The following OPCML variants were observed in gnomAD, a reference collection of about 807,000 sequenced individuals.
The protein encoded by OPCML is opioid binding protein/cell adhesion molecule like.
OPCML carries 13 observed loss-of-function variants against 37.8 expected under a neutral mutation model. The ratio of observed to expected loss-of-function variants is 0.34; its 90% confidence interval spans 0.22 to 0.55. The LOEUF is 0.55. Among genes scored for constraint, OPCML ranks in the 20% least tolerant of loss-of-function variants. OPCML has a pLI of 0.91. For missense variants in OPCML, 341 were observed against 435.6 expected (o/e 0.78, Z 1.93); for synonymous variants, 176 against 168.8 (o/e 1.04, Z -0.33).
intron 1 of OPCML, among the ~76,000 whole-genome samples, chr11:132,992,940 G>A (rs1946808319): frequency 6.6e-6 from 1 of 152,158 alleles, no homozygotes; most frequent in Non-Finnish European, 1.5e-5. Flanking sequence ...ATTAATCACA[G>A]GTGCCCCCAC....
rs149315839 is a variant in OPCML, at chr11:133,519,607, C to T, written c.61+12657G>A. On this transcript the variant is annotated intron_variant, in intron 1 of 7. Transcript: ENST00000524381. ...TATAATGCATCTTCCTTGATTTCTC[C>T]CATCTCCCCTATCTTCCTGAACTCT... 1.7e-3 allele frequency among the ~76,000 whole-genome samples: 258 copies of T among 152,282 alleles called. 1 individual carries two copies. The highest frequency in any genetic ancestry group is 5.6e-3 in the African/African-American group (233 of 41,558).
chr11:132,732,827 A>G lies in OPCML; in HGVS notation c.147-75508T>C, dbSNP rs573549033. On this transcript the variant is annotated intron_variant, in intron 2 of 7. Coordinates refer to ENST00000524381, the MANE Select transcript of OPCML (RefSeq NM_001012393.5). ...AATATGTCCATTGAATTCAGTATTTAGAGATTAATGGTGACCACTACGGAA... is the reference window on the plus strand; with the variant it reads ...AATATGTCCATTGAATTCAGTATTTGGAGATTAATGGTGACCACTACGGAA... Among the ~76,000 whole-genome samples, 15 of 152,294 alleles carry G rather than the reference A, an allele frequency of 9.8e-5. No homozygotes were observed. The East Asian group carries it at 2.7e-3, about 27-fold the overall frequency.
At chr11:132,857,735 G>A (rs768848710) in intron 2 of OPCML, among the ~76,000 whole-genome samples, 12 of 152,224 alleles carry the variant, frequency 7.9e-5, no homozygotes, top group Middle Eastern at 6.8e-3. Context: ...AATTACTTAT[G>A]CTAACATGTA....
intron 1 of OPCML, among the ~76,000 whole-genome samples, chr11:133,401,972 C>T (rs1051159101): frequency 6.6e-6 from 1 of 152,200 alleles, no homozygotes; most frequent in Non-Finnish European, 1.5e-5. Flanking sequence ...TCTTGAAAAT[C>T]AACTGGGCCG....
intron 1 of OPCML, among the ~76,000 whole-genome samples, chr11:133,352,449 T>G (rs1944162673): frequency 1.3e-5 from 2 of 152,240 alleles, no homozygotes; most frequent in African/African-American, 2.4e-5. Flanking sequence ...TGAATGCCTG[T>G]GCTGAAGTAC....
At chr11:133,042,443 C>T (rs1342037839) in intron 1 of OPCML, among the ~76,000 whole-genome samples, 1 of 152,156 alleles carries the variant, frequency 6.6e-6, no homozygotes, top group East Asian at 1.9e-4. Context: ...CACCACCTTA[C>T]AGGTGGGCAG....
chr11:132,808,327 G>A (rs1939135795), intron 2 of OPCML, among the ~76,000 whole-genome samples: 1 of 152,208 alleles, frequency 6.6e-6, no homozygotes, highest in East Asian at 1.9e-4. Flanking sequence ...GTGTGAGAGC[G>A]TTCAGCAGGA....
At chr11:133,434,798 GTATATATATATA>G (rs57835682) in intron 1 of OPCML, among the ~76,000 whole-genome samples, 3 of 128,986 alleles carry the variant, frequency 2.3e-5, no homozygotes, top group African/African-American at 8.1e-5. Flanking sequence ...TTATATATAT[GTATATATATATA>G]TATATATATA....
At chr11:133,198,439 T>G (rs2136314535) in intron 1 of OPCML, among the ~76,000 whole-genome samples, 1 of 152,352 alleles carries the variant, frequency 6.6e-6, no homozygotes, top group South Asian at 2.1e-4. Context: ...TCTGCTCTGC[T>G]CTAGGGAGCC....
intron 1 of OPCML, among the ~76,000 whole-genome samples, chr11:133,016,758 A>G (rs1947342747): frequency 6.6e-6 from 1 of 152,170 alleles, no homozygotes; most frequent in African/African-American, 2.4e-5. Flanking sequence ...TTATTTCAGT[A>G]CTTTCCACTG....
rs150773073 is a variant in OPCML at position 133,206,835 on chromosome 11, G to T, written c.62-263825C>A. 6.6e-6 allele frequency among the ~76,000 whole-genome samples: 1 copy of T among 152,284 alleles called. No individual in the cohort carries two copies. The highest frequency in any genetic ancestry group is 1.5e-5 in the Non-Finnish European group (1 of 68,018). ...CCACGCTTACCCTCCACACTCTCAC[G>T]ATGTCCACACAGCTACGGTGACCTA... is the stretch of plus-strand genomic sequence containing the variant. On this transcript the variant is annotated intron_variant, in intron 1 of 7. Coordinates refer to ENST00000524381, the MANE Select transcript of OPCML (RefSeq NM_001012393.5). This position sits in a 1 kb window ranked among gnomAD's most constrained non-coding sequence, Gnocchi z 4.7.
intron 2 of OPCML, among the ~76,000 whole-genome samples, chr11:132,928,894 C>T (rs746633028): frequency 6.6e-6 from 1 of 151,302 alleles, no homozygotes; most frequent in African/African-American, 2.4e-5. Context: ...ATTTTTATAA[C>T]AATCTTGTGA....
chr11:132,439,598 A>G (rs2096025102), intron 4 of OPCML, among the ~76,000 whole-genome samples: 1 of 152,210 alleles, frequency 6.6e-6, no homozygotes, highest in African/African-American at 2.4e-5. Flanking sequence ...TTTTTAAATG[A>G]AATTTAACAA....
intron 1 of OPCML, chr11:133,302,019 G>A (rs1413657189): frequency 6.6e-6 from 1 of 152,156 alleles, no homozygotes; most frequent in Non-Finnish European, 1.5e-5. Flanking sequence ...CATAGAAGAT[G>A]TTAATCAATC....
At chr11:133,415,138 G>A (rs927365444) in intron 1 of OPCML, among the ~76,000 whole-genome samples, 37 of 152,210 alleles carry the variant, frequency 2.4e-4, no homozygotes, top group Middle Eastern at 3.4e-3. Flanking sequence ...GGCCAGGCAC[G>A]GTGGCTCAAG....
chr11:133,228,317 A>C (rs974637160), intron 1 of OPCML, among the ~76,000 whole-genome samples: 1 of 152,220 alleles, frequency 6.6e-6, no homozygotes. Flanking sequence ...ACAGACAGAA[A>C]CAGTTGGAAA....
At chr11:133,165,204 GGTGTA>G (rs1950193291) in intron 1 of OPCML, among the ~76,000 whole-genome samples, 1 of 152,210 alleles carries the variant, frequency 6.6e-6, no homozygotes, top group South Asian at 2.1e-4. Context: ...GCAGAGGCTT[GGTGTA>G]GGCAGATGGT....
At chr11:132,473,212 G>A (rs1488822952) in intron 4 of OPCML, among the ~76,000 whole-genome samples, 1 of 152,220 alleles carries the variant, frequency 6.6e-6, no homozygotes, top group South Asian at 2.1e-4. Flanking sequence ...CCAATGTGCA[G>A]CTTTGTGAAA....
intron 1 of OPCML, among the ~76,000 whole-genome samples, chr11:133,092,157 G>A (rs1948916594): frequency 6.6e-6 from 1 of 152,144 alleles, no homozygotes; most frequent in East Asian, 1.9e-4. Flanking sequence ...TCTGGAGGAG[G>A]CAACGGGGCA....
Sources: gnomAD v4.1 joint callset for allele counts (sites outside exome capture counted in the v4.1 genomes callset) on GRCh38, gnomAD v4.1.1 for gene constraint, Gnocchi (gnomAD v3.1) non-coding constraint, MANE v1.5 for transcripts, NCBI Gene and HGNC (gene_info 2026-07-23, HGNC 2026-07-21) for gene names.